TMEM132D: variants seen among roughly 807,000 people sequenced by gnomAD.
TMEM132D encodes the protein mature OL transmembrane protein.
A neutral mutation model predicts 62.3 loss-of-function variants in TMEM132D; 21 were observed. That is an observed-to-expected ratio of 0.34 (90% CI 0.24 to 0.49). TMEM132D has a LOEUF of 0.49. Among genes scored for constraint, TMEM132D ranks in the 20% least tolerant of loss-of-function variants. TMEM132D has a pLI of 0.99. For missense variants in TMEM132D, 1,346 were observed against 1,402.8 expected (o/e 0.96, Z 0.65); for synonymous variants, 621 against 575.6 (o/e 1.08, Z -1.13).
chr12:129,655,824 C>T (rs989272848), intron 2 of TMEM132D, among the ~76,000 whole-genome samples: 1 of 152,136 alleles, frequency 6.6e-6, no homozygotes, highest in Non-Finnish European at 1.5e-5. Flanking sequence ...TTGGATAATG[C>T]TATATTATGA....
intron 1 of TMEM132D, among the ~76,000 whole-genome samples, chr12:129,761,674 G>A (rs1455058068): frequency 6.6e-6 from 1 of 152,192 alleles, no homozygotes. Context: ...TAACATGTAA[G>A]TATTCCCACG....
intron 5 of TMEM132D, among the ~76,000 whole-genome samples, chr12:129,089,447 G>A (rs1227117384): frequency 5.1e-5 from 2 of 39,558 alleles, no homozygotes; most frequent in Non-Finnish European, 4.6e-5. Context: ...CATGACCGGG[G>A]TGTCCTCTAT....
chr12:129,270,024 G>C (rs1344544090), intron 4 of TMEM132D, among the ~76,000 whole-genome samples: 1 of 152,154 alleles, frequency 6.6e-6, no homozygotes, highest in East Asian at 1.9e-4. Flanking sequence ...AGCCACTCGG[G>C]AAAAGCCGCA....
At chr12:129,094,269 T>C (rs1875026436) in intron 5 of TMEM132D, among the ~76,000 whole-genome samples, 1 of 152,226 alleles carries the variant, frequency 6.6e-6, no homozygotes, top group Non-Finnish European at 1.5e-5. Flanking sequence ...AGAAAGTTTT[T>C]GCAATCTACC....
rs768879334 is a variant in TMEM132D, at chr12:129,762,481, C to T, written c.80-61783G>A. ...TCCCATGATGTTTCAAATCCCTGTTCTGTGTAGGTGTTTTGCTCTGTCTTC... is the reference window on the plus strand; with the variant it reads ...TCCCATGATGTTTCAAATCCCTGTTTTGTGTAGGTGTTTTGCTCTGTCTTC... On this transcript the variant is annotated intron_variant, in intron 1 of 8. Coordinates refer to ENST00000422113, the MANE Select transcript of TMEM132D (RefSeq NM_133448.3). Among the ~76,000 whole-genome samples, 114 of 152,184 alleles carry T rather than the reference C, an allele frequency of 7.5e-4. 1 individual carries two copies. The highest frequency in any genetic ancestry group is 1.4e-3 in the Non-Finnish European group (93 of 68,006).
intron 3 of TMEM132D, among the ~76,000 whole-genome samples, chr12:129,340,324 ATACTT>A (rs1869428696): frequency 6.6e-6 from 1 of 151,572 alleles, no homozygotes; most frequent in African/African-American, 2.4e-5. Flanking sequence ...TTTTTTTATT[ATACTT>A]TAAGTTCTAG....
chr12:129,543,113 G>A (rs1876627561), intron 2 of TMEM132D, among the ~76,000 whole-genome samples: 1 of 145,496 alleles, frequency 6.9e-6, no homozygotes, highest in Admixed American at 7.0e-5. Context: ...ATGGATAGAT[G>A]GATAGATGGA....
At chr12:129,886,314 G>T (rs148516825) in intron 1 of TMEM132D, among the ~76,000 whole-genome samples, 1 of 152,130 alleles carries the variant, frequency 6.6e-6, no homozygotes, top group Non-Finnish European at 1.5e-5. Context: ...TAGTAAGACC[G>T]GAGATGGAAG....
At chr12:129,156,345 A>C (rs1006483289) in intron 5 of TMEM132D, among the ~76,000 whole-genome samples, 1 of 151,594 alleles carries the variant, frequency 6.6e-6, no homozygotes, top group Non-Finnish European at 1.5e-5. Flanking sequence ...ATGATAACCA[A>C]CTCACTCCCA....
rs757054637 is a variant in TMEM132D at position 129,700,620 on chromosome 12, A to G, written c.158T>C (p.Ile53Thr). Residue 53 changes from isoleucine to threonine, a missense_variant, in exon 2 of 9, where the codon ATC (isoleucine) becomes ACC (threonine). Transcript: ENST00000422113. ...LPTYLPVTYHINNADVSFFLK... is the reference protein window; with the variant it reads ...LPTYLPVTYHTNNADVSFFLK... ...GAAGAAGGAGACGTCCGCGTTGTTG[A>G]TGTGGTAGGTCACGGGGAGGTAGGT... 1.9e-6 allele frequency: 3 copies of G among 1,613,924 alleles called. No homozygotes were observed. The highest frequency in any genetic ancestry group is 2.5e-6 in the Non-Finnish European group (3 of 1,179,990).
intron 2 of TMEM132D, among the ~76,000 whole-genome samples, chr12:129,590,123 AT>A (rs572202926): frequency 5.9e-4 from 90 of 151,960 alleles, no homozygotes; most frequent in African/African-American, 2.0e-3. Flanking sequence ...TATATTTTGA[AT>A]TTTTTTCATT....
In TMEM132D at chr12:129,371,065, A is replaced by G. The variant is rs571330938; in HGVS notation, c.1116-33248T>C. Among the ~76,000 whole-genome samples the G allele has an allele frequency of 6.6e-6, 1 of 152,300 alleles. No homozygotes were observed. Among genetic ancestry groups the G allele is most frequent in the Non-Finnish European group, 1.5e-5 (1 of 68,032 alleles). On this transcript the variant is annotated intron_variant, in intron 3 of 8. Transcript: ENST00000422113. This position sits in a 1 kb window ranked among gnomAD's most constrained non-coding sequence, Gnocchi z 4.3. Reference sequence around the variant, plus strand: ...TTCTCAACACAAAAAACAGATAAATATTTGATGTGATAGACCCAATTACCT... The same window carrying G: ...TTCTCAACACAAAAAACAGATAAATGTTTGATGTGATAGACCCAATTACCT...
intron 1 of TMEM132D, among the ~76,000 whole-genome samples, chr12:129,890,876 G>A (rs1207998317): frequency 1.3e-5 from 2 of 152,146 alleles, no homozygotes; most frequent in African/African-American, 4.8e-5. Context: ...GATGTTTCCT[G>A]TTGAAGATAA....
chr12:129,278,222 T>C (rs1881049125), intron 4 of TMEM132D, among the ~76,000 whole-genome samples: 1 of 152,168 alleles, frequency 6.6e-6, no homozygotes, highest in African/African-American at 2.4e-5. Context: ...ATCGCGGTGA[T>C]GGACTTCCTA....
chr12:129,265,760 C>A (rs1370161354), intron 4 of TMEM132D, among the ~76,000 whole-genome samples: 3 of 151,920 alleles, frequency 2.0e-5, no homozygotes, highest in Non-Finnish European at 2.9e-5. Context: ...ATGCTCAGTC[C>A]CTCTCTTCCT....
intron 4 of TMEM132D, among the ~76,000 whole-genome samples, chr12:129,234,196 T>C (rs939260567): frequency 6.6e-6 from 1 of 152,110 alleles, no homozygotes; most frequent in African/African-American, 2.4e-5. Flanking sequence ...GCAGGAAGGA[T>C]GCTAAGAAAT....
intron 5 of TMEM132D, among the ~76,000 whole-genome samples, chr12:129,137,980 CAAAT>C (rs1876635296): frequency 6.6e-6 from 1 of 151,990 alleles, no homozygotes; most frequent in African/African-American, 2.4e-5. Context: ...GGCTTAAACA[CAAAT>C]AAAGCTCTCT....
intron 2 of TMEM132D, among the ~76,000 whole-genome samples, chr12:129,569,699 C>T (rs867010416): frequency 6.6e-6 from 1 of 152,146 alleles, no homozygotes; most frequent in Non-Finnish European, 1.5e-5. Context: ...CAACGCTGAC[C>T]CTGCAGGCTT....
At chr12:129,688,165 C>T (rs1361791488) in intron 2 of TMEM132D, among the ~76,000 whole-genome samples, 1 of 152,126 alleles carries the variant, frequency 6.6e-6, no homozygotes, top group East Asian at 1.9e-4. Context: ...AGAGGCTGTG[C>T]ATATGGTTAT....
Sources: gnomAD v4.1 joint callset for allele counts (sites outside exome capture counted in the v4.1 genomes callset) on GRCh38, gnomAD v4.1.1 for gene constraint, Gnocchi (gnomAD v3.1) non-coding constraint, MANE v1.5 for transcripts, NCBI Gene and HGNC (gene_info 2026-07-23, HGNC 2026-07-21) for gene names.